The following TMEM163 variants were observed in gnomAD, a reference collection of about 807,000 sequenced individuals.
TMEM163 encodes transmembrane protein 163.
Under a neutral mutation model 29.3 loss-of-function variants are expected in TMEM163, and 17 were observed. The observed-to-expected ratio is 0.58, with a 90% CI of 0.40 to 0.87. The LOEUF is 0.87. Among genes scored for constraint, TMEM163 ranks in the 40% least tolerant of loss-of-function variants. The pLI, the probability that TMEM163 is intolerant of heterozygous loss-of-function variation, is 0.00. For synonymous variants in TMEM163, 157 were observed against 160.6 expected, an observed-to-expected ratio of 0.98 and a Z score of 0.17; for missense variants, 303 against 381.5, an observed-to-expected ratio of 0.79 and a Z score of 1.71.
At chr2:134,571,508 T>C (rs370258370) in intron 2 of TMEM163, among the ~76,000 whole-genome samples, 2 of 152,202 alleles carry the variant, frequency 1.3e-5, no homozygotes, top group South Asian at 2.1e-4. Flanking sequence ...ACAAAATACG[T>C]TTTCAGAGAG....
chr2:134,668,869 C>G (rs549351319), intron 2 of TMEM163, among the ~76,000 whole-genome samples: 2 of 152,192 alleles, frequency 1.3e-5, no homozygotes, highest in African/African-American at 4.8e-5. Flanking sequence ...AAGGCCAAAC[C>G]TTGCCCAGTG....
At chr2:134,604,668 A>C (rs1337150743) in intron 2 of TMEM163, among the ~76,000 whole-genome samples, 1 of 152,154 alleles carries the variant, frequency 6.6e-6, no homozygotes, top group Non-Finnish European at 1.5e-5. Flanking sequence ...TTCAAATAAA[A>C]AGGGTAACAC....
At chr2:134,643,121 G>A (rs1683257807) in intron 2 of TMEM163, among the ~76,000 whole-genome samples, 1 of 151,940 alleles carries the variant, frequency 6.6e-6, no homozygotes, top group South Asian at 2.1e-4. Flanking sequence ...CAAAAAGAGA[G>A]AAGACACAAA....
At chr2:134,624,331 G>A (rs1324772915) in intron 2 of TMEM163, among the ~76,000 whole-genome samples, 1 of 152,154 alleles carries the variant, frequency 6.6e-6, no homozygotes, top group Admixed American at 6.5e-5. Context: ...GATGGAACAG[G>A]AGGCCATTAT....
intron 2 of TMEM163, among the ~76,000 whole-genome samples, chr2:134,570,458 T>C (rs1222423899): frequency 7.1e-6 from 1 of 140,998 alleles, no homozygotes; most frequent in East Asian, 2.1e-4. Flanking sequence ...AAGGGGGTAC[T>C]ACTACATATA....
At chr2:134,502,420 T>G (rs1445232457) in intron 5 of TMEM163, among the ~76,000 whole-genome samples, 2 of 152,196 alleles carry the variant, frequency 1.3e-5, no homozygotes, top group Admixed American at 6.5e-5. Context: ...AAAGACACAT[T>G]TTAATATGAA....
intron 2 of TMEM163, among the ~76,000 whole-genome samples, chr2:134,562,824 A>G (rs1681211866): frequency 6.6e-6 from 1 of 152,248 alleles, no homozygotes; most frequent in African/African-American, 2.4e-5. Flanking sequence ...TGAAAAAACT[A>G]GAAAAAGAAT....
At chr2:134,676,917 C>T (rs1403631129) in intron 2 of TMEM163, among the ~76,000 whole-genome samples, 1 of 152,046 alleles carries the variant, frequency 6.6e-6, no homozygotes, top group Non-Finnish European at 1.5e-5. Context: ...CTTGTAGAAC[C>T]AACTGATAAA....
chr2:134,651,513 T>C (rs1269065574), intron 2 of TMEM163, among the ~76,000 whole-genome samples: 1 of 117,392 alleles, frequency 8.5e-6, no homozygotes, highest in African/African-American at 4.2e-5. Context: ...ACTCTGATGG[T>C]AGTTTCTTTT....
At chr2:134,515,215 G>A (rs932001770) in intron 4 of TMEM163, among the ~76,000 whole-genome samples, 1 of 152,148 alleles carries the variant, frequency 6.6e-6, no homozygotes, top group Admixed American at 6.5e-5. Context: ...AAGATGTACA[G>A]AAAACCACCT....
At chr2:134,644,124 A>G (rs1683280486) in intron 2 of TMEM163, among the ~76,000 whole-genome samples, 1 of 152,158 alleles carries the variant, frequency 6.6e-6, no homozygotes, top group Non-Finnish European at 1.5e-5. Context: ...AGTTCTAAAT[A>G]AATGGAGAGA....
At chr2:134,564,149 G>A (rs553873293) in intron 2 of TMEM163, among the ~76,000 whole-genome samples, 3 of 152,260 alleles carry the variant, frequency 2.0e-5, no homozygotes, top group South Asian at 2.1e-4. Flanking sequence ...TACCAGATAC[G>A]AAGATTTCAA....
At chr2:134,710,299 T>G (rs953923667) in intron 2 of TMEM163, among the ~76,000 whole-genome samples, 7 of 152,206 alleles carry the variant, frequency 4.6e-5, no homozygotes, top group African/African-American at 1.7e-4. Flanking sequence ...ATCTTTCCAG[T>G]TGACTGAGGA....
In TMEM163 at chr2:134,476,902, C is replaced by A. The variant is rs548519764; in HGVS notation, c.556-10677G>T. The stretch of plus-strand genomic sequence containing the variant: ...TCACTGCCATGCCTCATGTTCAATT[C>A]AACTTAGTAAACCCCAGTTGAGTGC... On this transcript the variant is annotated intron_variant, in intron 5 of 7. Coordinates refer to ENST00000281924, the MANE Select transcript of TMEM163 (RefSeq NM_030923.5). 2.6e-5 allele frequency among the ~76,000 whole-genome samples: 4 copies of A among 152,346 alleles called. No homozygotes were observed. In the South Asian group the frequency reaches 8.3e-4, roughly 32 times the overall value.
chr2:134,609,535 A>G (rs71417525), intron 2 of TMEM163, among the ~76,000 whole-genome samples: 8 of 79,662 alleles, frequency 1.0e-4, no homozygotes, highest in South Asian at 7.2e-4. Context: ...CGAGAACTGT[A>G]CTGGTGAAAA....
At position 134,549,860 on chromosome 2, in the gene TMEM163, T is replaced by TTGTG. The variant is rs59083525; in HGVS notation, c.458+706_458+709dup. On this transcript the variant is annotated intron_variant, in intron 4 of 7. Coordinates refer to ENST00000281924, the MANE Select transcript of TMEM163 (RefSeq NM_030923.5). ...TATATGCATAAAAATGTGTGTGTGT[T>TTGTG]TGTGTGTGTGTGTGTGTGTACTCAT... 2.5e-4 allele frequency among the ~76,000 whole-genome samples: 38 copies of TTGTG among 150,042 alleles called. 1 individual carries two copies. Among genetic ancestry groups the TTGTG allele is most frequent in the African/African-American group, 7.3e-4 (30 of 40,982 alleles).
At chr2:134,711,953 C>T (rs1684936444) in intron 2 of TMEM163, among the ~76,000 whole-genome samples, 2 of 152,154 alleles carry the variant, frequency 1.3e-5, no homozygotes, top group South Asian at 4.1e-4. Flanking sequence ...CACCAGCCAC[C>T]ACAACCAAAT....
intron 5 of TMEM163, chr2:134,469,604 G>C (rs1357229897): frequency 6.7e-6 from 1 of 149,346 alleles, no homozygotes; most frequent in African/African-American, 2.5e-5. Context: ...AGCGGCTCCG[G>C]TGCTGCCGCA....
chr2:134,478,573 T>C (rs1686972274), intron 5 of TMEM163, among the ~76,000 whole-genome samples: 1 of 152,146 alleles, frequency 6.6e-6, no homozygotes, highest in African/African-American at 2.4e-5. Flanking sequence ...TGACTTAAGG[T>C]ATGTAGGTTG....
Sources: allele counts gnomAD v4.1 joint callset (sites outside exome capture counted in the v4.1 genomes callset), GRCh38; gene constraint gnomAD v4.1.1; transcripts MANE v1.5; gene names NCBI Gene and HGNC (gene_info 2026-07-23, HGNC 2026-07-21).